Variants in CDH18 observed in about 807,000 individuals in gnomAD.
CDH18 encodes the protein cadherin 18.
CDH18 carries 31 observed loss-of-function variants against 67.9 expected under a neutral mutation model. The observed-to-expected ratio is 0.46, with a 90% confidence interval of 0.34 to 0.62. The LOEUF (loss-of-function observed/expected upper bound fraction) is 0.62. Ranked by LOEUF, CDH18 falls within the 20% of genes least tolerant of loss-of-function variation. The probability of loss-of-function intolerance (pLI) is 0.01; values close to 1 mark genes in which losing one functional copy is unlikely to be tolerated. For synonymous variants in CDH18, 362 were observed against 347.2 expected (o/e 1.04, Z -0.48); for missense variants, 890 against 975.5 (o/e 0.91, Z 1.17).
intron 9 of CDH18, among the ~76,000 whole-genome samples, chr5:19,531,203 T>C (rs2126981552): frequency 6.6e-6 from 1 of 152,272 alleles, no homozygotes; most frequent in East Asian, 1.9e-4. Flanking sequence ...TGTGAATATA[T>C]TCAAAAAAAT....
intron 4 of CDH18, among the ~76,000 whole-genome samples, chr5:19,744,384 C>T (rs1265974723): frequency 6.6e-6 from 1 of 152,098 alleles, no homozygotes; most frequent in African/African-American, 2.4e-5. Flanking sequence ...TGACTTGTTC[C>T]CAAGTCCTCA....
chr5:19,831,213 T>C (rs181333775), intron 3 of CDH18, among the ~76,000 whole-genome samples: 3 of 152,128 alleles, frequency 2.0e-5, no homozygotes, highest in Non-Finnish European at 4.4e-5. Context: ...CCTTGGCAAA[T>C]AATTTATGGC....
chr5:19,992,506 G>T (rs1254613057), upstream of CDH18, among the ~76,000 whole-genome samples: 1 of 149,782 alleles, frequency 6.7e-6, no homozygotes, highest in Non-Finnish European at 1.5e-5. Context: ...ATAAAGTAGT[G>T]CAGAAAGACT....
intron 2 of CDH18, among the ~76,000 whole-genome samples, chr5:20,179,914 T>C (rs1435760223): frequency 6.6e-6 from 1 of 151,992 alleles, no homozygotes; most frequent in East Asian, 1.9e-4. Flanking sequence ...GAGCTGGCTG[T>C]TGGAGGGAAA....
chr5:19,881,938 A>C (rs1787705499), intron 2 of CDH18, among the ~76,000 whole-genome samples: 1 of 152,112 alleles, frequency 6.6e-6, no homozygotes, highest in Non-Finnish European at 1.5e-5. Context: ...CAGGGGAACA[A>C]ATTTTTGGTA....
intron 1 of CDH18, among the ~76,000 whole-genome samples, chr5:20,315,148 C>A (rs900321264): frequency 1.4e-4 from 22 of 152,038 alleles, no homozygotes; most frequent in Non-Finnish European, 2.9e-5. Context: ...CTCCTCCCAT[C>A]TCTGTTAAAG....
At chr5:19,929,373 G>GCAAGCAT (rs1579645538) in intron 2 of CDH18, among the ~76,000 whole-genome samples, 3 of 152,158 alleles carry the variant, frequency 2.0e-5, no homozygotes, top group African/African-American at 7.2e-5. Context: ...AGAGGACACA[G>GCAAGCAT]CAAGCATTAG....
chr5:20,562,552 T>G (rs1758278775), intron 1 of CDH18, among the ~76,000 whole-genome samples: 1 of 151,708 alleles, frequency 6.6e-6, no homozygotes, highest in South Asian at 2.1e-4. Context: ...ATTATGATGT[T>G]AAACAGAATT....
intron 1 of CDH18, among the ~76,000 whole-genome samples, chr5:20,272,068 A>G (rs1379393540): frequency 1.3e-5 from 2 of 152,072 alleles, no homozygotes; most frequent in East Asian, 3.9e-4. Flanking sequence ...CTATTTTTTA[A>G]GTGAATTGGA....
intron 8 of CDH18, among the ~76,000 whole-genome samples, chr5:19,563,637 A>T (rs1041341741): frequency 3.3e-5 from 5 of 152,160 alleles, no homozygotes; most frequent in African/African-American, 1.2e-4. Context: ...TATTTTTTCA[A>T]AAAGGTGATG....
intron 4 of CDH18, among the ~76,000 whole-genome samples, chr5:19,745,191 T>C (rs1421922482): frequency 6.6e-6 from 1 of 152,178 alleles, no homozygotes; most frequent in African/African-American, 2.4e-5. Context: ...AATTCAGGTC[T>C]AATCAGTTAC....
At chr5:20,239,951 T>C (rs933416122) in intron 2 of CDH18, among the ~76,000 whole-genome samples, 22 of 150,784 alleles carry the variant, frequency 1.5e-4, no homozygotes, top group African/African-American at 5.1e-4. Context: ...AAAAGGAAAA[T>C]TTACTAAGTG....
At chr5:19,907,106 T>C (rs1790621806) in intron 2 of CDH18, among the ~76,000 whole-genome samples, 1 of 152,028 alleles carries the variant, frequency 6.6e-6, no homozygotes, top group African/African-American at 2.4e-5. Context: ...GTTTTATGGT[T>C]ATCTTTGTGG....
chr5:20,399,781 C>T (rs982351051), intron 1 of CDH18, among the ~76,000 whole-genome samples: 1 of 152,124 alleles, frequency 6.6e-6, no homozygotes, highest in Non-Finnish European at 1.5e-5. Context: ...ATCTTTGAAT[C>T]CTTTCAAATA....
At chr5:20,050,334 C>CA (rs1741307515) in intron 2 of CDH18, among the ~76,000 whole-genome samples, 1 of 151,778 alleles carries the variant, frequency 6.6e-6, no homozygotes, top group Admixed American at 6.6e-5. Context: ...CACTGTAACT[C>CA]AAAGAGCATG....
chr5:20,515,933 T>C (rs1169013313), intron 1 of CDH18, among the ~76,000 whole-genome samples: 9 of 152,042 alleles, frequency 5.9e-5, no homozygotes, highest in Admixed American at 5.9e-4. Context: ...ATTAACTTAA[T>C]TAAACAAATT....
chr5:20,066,409 T>C, intron 2 of CDH18, among the ~76,000 whole-genome samples: 1 of 152,088 alleles, frequency 6.6e-6, no homozygotes. Flanking sequence ...CATTTATTAC[T>C]TTATTCAAGG....
At chr5:19,803,403 T>C (rs577161297) in intron 3 of CDH18, among the ~76,000 whole-genome samples, 1 of 152,228 alleles carries the variant, frequency 6.6e-6, no homozygotes, top group Non-Finnish European at 1.5e-5. Context: ...CTTAGACACA[T>C]ATTTAAATTT....
chr5:19,837,179 T>C (rs951061766), intron 3 of CDH18, among the ~76,000 whole-genome samples: 3 of 152,062 alleles, frequency 2.0e-5, no homozygotes, highest in African/African-American at 7.2e-5. Flanking sequence ...AAACACCACA[T>C]GTTCTCACTC....
Sources: allele counts gnomAD v4.1 joint callset (sites outside exome capture counted in the v4.1 genomes callset), GRCh38; gene constraint gnomAD v4.1.1; transcripts MANE v1.5; gene names NCBI Gene and HGNC (gene_info 2026-07-23, HGNC 2026-07-21).